The following SPOCK3 variants were observed in gnomAD, a reference collection of about 807,000 sequenced individuals.
The protein encoded by SPOCK3 is testican-3.
SPOCK3 carries 30 observed loss-of-function variants against 56.6 expected under a neutral mutation model. That is an observed-to-expected ratio of 0.53 (90% confidence interval 0.40 to 0.72). SPOCK3 has a LOEUF of 0.72. Ranked by LOEUF, SPOCK3 falls within the 30% of genes least tolerant of loss-of-function variation. The probability of loss-of-function intolerance (pLI) is 0.00; values close to 1 mark genes in which losing one functional copy is unlikely to be tolerated. For synonymous variants in SPOCK3, 196 were observed against 183.3 expected (o/e 1.07, Z -0.56); for missense variants, 527 against 530.0 (o/e 0.99, Z 0.06).
In SPOCK3 at chr4:166,871,897, A is replaced by G. The variant is rs556067127; in HGVS notation, c.589+17233T>C. On this transcript the variant is annotated intron_variant, in intron 6 of 10. Coordinates refer to ENST00000357545, the MANE Select transcript of SPOCK3 (RefSeq NM_001040159.2). ...AGCATTAATAAATCAATGCAATGTA[A>G]CATATTAGAATACCAAATAAGAAAA... 1.4e-3 allele frequency among the ~76,000 whole-genome samples: 208 copies of G among 151,530 alleles called. 1 individual carries two copies. The highest frequency in any genetic ancestry group is 4.8e-3 in the African/African-American group (201 of 41,460).
intron 2 of SPOCK3, among the ~76,000 whole-genome samples, chr4:167,132,307 A>T (rs1165360814): frequency 6.6e-6 from 1 of 152,188 alleles, no homozygotes; most frequent in Non-Finnish European, 1.5e-5. Context: ...CTTCTAAAAC[A>T]TTTCATATCA....
chr4:167,043,490 T>C (rs1258013414), intron 3 of SPOCK3, among the ~76,000 whole-genome samples: 3 of 152,094 alleles, frequency 2.0e-5, no homozygotes, highest in African/African-American at 4.8e-5. Flanking sequence ...CGTTATAAAG[T>C]TGAAAAGCAG....
intron 3 of SPOCK3, among the ~76,000 whole-genome samples, chr4:167,053,462 A>T (rs1754428424): frequency 6.6e-6 from 1 of 152,084 alleles, no homozygotes; most frequent in African/African-American, 2.4e-5. Flanking sequence ...CGAGGGGCAG[A>T]TCACTTGAGT....
chr4:166,897,361 T>A (rs1735504781), intron 5 of SPOCK3, among the ~76,000 whole-genome samples: 1 of 152,130 alleles, frequency 6.6e-6, no homozygotes, highest in African/African-American at 2.4e-5. Context: ...GGAAATATAG[T>A]TGCAAGACAG....
At chr4:167,197,384 A>G (rs1733055612) in intron 2 of SPOCK3, among the ~76,000 whole-genome samples, 1 of 152,206 alleles carries the variant, frequency 6.6e-6, no homozygotes, top group Admixed American at 6.5e-5. Flanking sequence ...CATCTATAAA[A>G]GTAGAAATTA....
intron 2 of SPOCK3, among the ~76,000 whole-genome samples, chr4:167,084,815 G>A (rs1229573936): frequency 6.6e-6 from 1 of 151,932 alleles, no homozygotes; most frequent in Non-Finnish European, 1.5e-5. Flanking sequence ...CACATTAAAA[G>A]GTTAAATTAG....
At chr4:167,088,528 G>T (rs1476748523) in intron 2 of SPOCK3, among the ~76,000 whole-genome samples, 1 of 142,790 alleles carries the variant, frequency 7.0e-6, no homozygotes, top group Non-Finnish European at 1.5e-5. Context: ...GCTGTGGCAT[G>T]ATCTTGGTTC....
At chr4:166,946,922 A>G (rs1473408623) in intron 4 of SPOCK3, among the ~76,000 whole-genome samples, 2 of 152,192 alleles carry the variant, frequency 1.3e-5, no homozygotes, top group East Asian at 1.9e-4. Context: ...AACATCACCA[A>G]TGAAAAACCC....
intron 2 of SPOCK3, among the ~76,000 whole-genome samples, chr4:167,164,057 T>C (rs1413177219): frequency 1.3e-5 from 2 of 152,084 alleles, no homozygotes; most frequent in African/African-American, 2.4e-5. Flanking sequence ...AGGTTAAAAT[T>C]TCCAGATCTC....
intron 3 of SPOCK3, among the ~76,000 whole-genome samples, chr4:167,043,325 C>G (rs897978264): frequency 6.6e-6 from 1 of 152,056 alleles, no homozygotes; most frequent in Non-Finnish European, 1.5e-5. Context: ...GCTCTGTATT[C>G]TGCAACCTTG....
At chr4:166,744,886 A>T (rs922073583) in intron 8 of SPOCK3, among the ~76,000 whole-genome samples, 1 of 152,186 alleles carries the variant, frequency 6.6e-6, no homozygotes, top group Non-Finnish European at 1.5e-5. Flanking sequence ...AAAGGGTATC[A>T]GTGATTGAAG....
At chr4:167,019,011 T>C (rs1027262896) in intron 3 of SPOCK3, among the ~76,000 whole-genome samples, 2 of 152,044 alleles carry the variant, frequency 1.3e-5, no homozygotes, top group Admixed American at 6.6e-5. Flanking sequence ...AATGAAGCCA[T>C]TTGAAACGAT....
At chr4:167,173,395 G>A (rs990038800) in intron 2 of SPOCK3, among the ~76,000 whole-genome samples, 4 of 151,656 alleles carry the variant, frequency 2.6e-5, no homozygotes, top group Non-Finnish European at 2.9e-5. Context: ...TTTCTTTCTC[G>A]TAGTTTGAGG....
At chr4:167,105,463 T>TAAAAAAAAAAAA (rs552028589) in intron 2 of SPOCK3, among the ~76,000 whole-genome samples, 1 of 98,680 alleles carries the variant, frequency 1.0e-5, no homozygotes, top group African/African-American at 4.2e-5. Context: ...ACACAAAAAT[T>TAAAAAAAAAAAA]AAAAAAAAAA....
intron 3 of SPOCK3, among the ~76,000 whole-genome samples, chr4:167,028,160 G>A (rs1751892802): frequency 6.6e-6 from 1 of 151,818 alleles, no homozygotes; most frequent in South Asian, 2.1e-4. Context: ...GCTGAGGCAG[G>A]AGGATCACTT....
intron 3 of SPOCK3, among the ~76,000 whole-genome samples, chr4:167,024,161 C>T (rs1751466922): frequency 6.6e-6 from 1 of 151,988 alleles, no homozygotes. Context: ...GCTTCACCAT[C>T]CTTTCTTGGA....
At chr4:167,086,176 AT>A (rs1284407475) in intron 2 of SPOCK3, among the ~76,000 whole-genome samples, 2 of 152,114 alleles carry the variant, frequency 1.3e-5, no homozygotes, top group African/African-American at 4.8e-5. Context: ...TAGCTTATTG[AT>A]TTTAATGTTT....
At chr4:166,766,681 A>T (rs1192321322) in intron 7 of SPOCK3, among the ~76,000 whole-genome samples, 1 of 152,192 alleles carries the variant, frequency 6.6e-6, no homozygotes, top group African/African-American at 2.4e-5. Context: ...AGGCTTTGGT[A>T]TCACAATGAT....
intron 2 of SPOCK3, among the ~76,000 whole-genome samples, chr4:167,155,174 G>A (rs1561273733): frequency 6.6e-6 from 1 of 151,774 alleles, no homozygotes; most frequent in Non-Finnish European, 1.5e-5. Context: ...AGAGTGCAGT[G>A]GTGCAATCTT....
Sources: allele counts gnomAD v4.1 joint callset (sites outside exome capture counted in the v4.1 genomes callset), GRCh38; gene constraint gnomAD v4.1.1; transcripts MANE v1.5; gene names NCBI Gene and HGNC (gene_info 2026-07-23, HGNC 2026-07-21).